The following TMEM132D variants were observed in gnomAD, a reference collection of about 807,000 sequenced individuals.
The protein encoded by TMEM132D is mature OL transmembrane protein.
A neutral mutation model predicts 62.3 loss-of-function variants in TMEM132D; 21 were observed. The observed-to-expected ratio is 0.34, with a 90% CI of 0.24 to 0.49. The LOEUF is 0.49. TMEM132D is among the 20% of genes least tolerant of loss of function. The probability of loss-of-function intolerance (pLI) is 0.99; values close to 1 mark genes in which losing one functional copy is unlikely to be tolerated. For missense variants in TMEM132D, 1,346 were observed against 1,402.8 expected, an observed-to-expected ratio of 0.96 and a Z score of 0.65; for synonymous variants, 621 against 575.6, an observed-to-expected ratio of 1.08 and a Z score of -1.13.
intron 1 of TMEM132D, among the ~76,000 whole-genome samples, chr12:129,836,245 G>A (rs1002444613): frequency 2.0e-5 from 3 of 152,118 alleles, no homozygotes; most frequent in Non-Finnish European, 1.5e-5. Context: ...CCTTTAAAAA[G>A]CTCTGTCTGC....
chr12:129,217,895 CA>C (rs778793877), intron 4 of TMEM132D, among the ~76,000 whole-genome samples: 72 of 152,136 alleles, frequency 4.7e-4, no homozygotes, highest in Non-Finnish European at 9.0e-4. Context: ...TATAAGAGGA[CA>C]TCCATTTTCC....
intron 2 of TMEM132D, among the ~76,000 whole-genome samples, chr12:129,537,250 ATG>A: frequency 6.6e-6 from 1 of 152,244 alleles, no homozygotes; most frequent in South Asian, 2.1e-4. Context: ...TATTGAAATA[ATG>A]TGTGCTACAA....
Position 129,720,153 on chromosome 12 carries a change from T to G in TMEM132D, c.80-19455A>C, listed in dbSNP as rs192927828. Among the ~76,000 whole-genome samples, 352 of 152,294 alleles carry G rather than the reference T, an allele frequency of 2.3e-3. 2 individuals carry two copies. Among genetic ancestry groups the G allele is most frequent in the Non-Finnish European group, 3.8e-3 (259 of 68,032 alleles). On this transcript the variant is annotated intron_variant, in intron 1 of 8. Transcript: ENST00000422113. ...TAAAACCTTGCACGCAGGAATGGTG[T>G]CTTTCCCTGGTGTCAGGCTAATTAC...
At chr12:129,613,857 C>G (rs1349389824) in intron 2 of TMEM132D, among the ~76,000 whole-genome samples, 1 of 151,586 alleles carries the variant, frequency 6.6e-6, no homozygotes. Flanking sequence ...GCTCCAGAAC[C>G]CAACCAGCTC....
intron 2 of TMEM132D, among the ~76,000 whole-genome samples, chr12:129,591,864 A>G (rs920521757): frequency 6.6e-6 from 1 of 152,200 alleles, no homozygotes; most frequent in African/African-American, 2.4e-5. Flanking sequence ...TACTTAATAA[A>G]TAAGCACAAG....
At chr12:129,097,264 C>T (rs2135632790) in intron 5 of TMEM132D, among the ~76,000 whole-genome samples, 1 of 152,344 alleles carries the variant, frequency 6.6e-6, no homozygotes, top group South Asian at 2.1e-4. Context: ...CTAAAGAACC[C>T]CTGGGCGGCA....
chr12:129,266,440 C>T (rs945413882), intron 4 of TMEM132D, among the ~76,000 whole-genome samples: 3 of 151,124 alleles, frequency 2.0e-5, no homozygotes, highest in African/African-American at 7.3e-5. Context: ...CCCCTCTCTT[C>T]CCTTTCTTTT....
At chr12:129,544,285 TTTATTGTTTATTAGGAAATTGATTTG>T (rs1876673103) in intron 2 of TMEM132D, among the ~76,000 whole-genome samples, 2 of 152,224 alleles carry the variant, frequency 1.3e-5, no homozygotes, top group African/African-American at 4.8e-5. Context: ...TAGTCTTGTT[TTTATTGTTTATTAGGAAATTGATTTG>T]TAAGGAAAAT....
chr12:129,473,519 T>G (rs575888289), intron 3 of TMEM132D, among the ~76,000 whole-genome samples: 1 of 151,538 alleles, frequency 6.6e-6, no homozygotes, highest in East Asian at 2.0e-4. Flanking sequence ...TTAGTAGAGA[T>G]GGGGTTTCGC....
chr12:129,770,923 G>A (rs537121840), intron 1 of TMEM132D, among the ~76,000 whole-genome samples: 9 of 152,324 alleles, frequency 5.9e-5, no homozygotes, highest in South Asian at 4.1e-4. Flanking sequence ...ATCGTAAGCC[G>A]AGGACTGTCT....
chr12:129,292,581 C>A (rs562869536), intron 4 of TMEM132D, among the ~76,000 whole-genome samples: 5 of 152,318 alleles, frequency 3.3e-5, no homozygotes, highest in African/African-American at 1.2e-4. Context: ...GATTTATAAA[C>A]CTAACCTCTG....
In TMEM132D at chr12:129,193,897, G is replaced by A. The variant is rs1437156529; in HGVS notation, c.1443+15623C>T. 2.0e-5 allele frequency among the ~76,000 whole-genome samples: 3 copies of A among 152,204 alleles called. No individual in the cohort carries two copies. In the East Asian group the frequency reaches 5.8e-4, roughly 29 times the overall value. ...TGATGAAGTCACATTTTACCTAAGA[G>A]TTAAAGTCTACAGAAAGGTAAAATT... On this transcript the variant is annotated intron_variant, in intron 5 of 8. Coordinates refer to ENST00000422113, the MANE Select transcript of TMEM132D (RefSeq NM_133448.3).
At position 129,101,186 on chromosome 12, in the gene TMEM132D, G is replaced by A. The variant is rs974731911; in HGVS notation, c.1444-16484C>T. Among the ~76,000 whole-genome samples, 3 of 152,274 alleles carry A rather than the reference G, an allele frequency of 2.0e-5. No individual in the cohort carries two copies. The East Asian group carries it at 5.8e-4, about 29-fold the overall frequency. ...CTAAGCTCTGTGGTGCCAGTCGGTG[G>A]CAGGATCTAAGCTCTGCAGTGCCCA... On this transcript the variant is annotated intron_variant, in intron 5 of 8. Coordinates refer to ENST00000422113, the MANE Select transcript of TMEM132D (RefSeq NM_133448.3).
chr12:129,302,835 T>G (rs543692792), intron 4 of TMEM132D, among the ~76,000 whole-genome samples: 168 of 152,162 alleles, frequency 1.1e-3, no homozygotes, highest in Middle Eastern at 0.01. Flanking sequence ...CCTCCACCCA[T>G]GTGAGACCAA....
At chr12:129,490,596 A>ATTTTTTTTTTTTTTTTTTTT (rs35535325) in intron 3 of TMEM132D, among the ~76,000 whole-genome samples, 3 of 71,112 alleles carry the variant, frequency 4.2e-5, no homozygotes, top group African/African-American at 1.6e-4. Flanking sequence ...CGCCCGGCTA[A>ATTTTTTTTTTTTTTTTTTTT]TTTTTTTTTT....
intron 4 of TMEM132D, among the ~76,000 whole-genome samples, chr12:129,287,031 G>C (rs568498580): frequency 1.3e-5 from 2 of 149,148 alleles, no homozygotes; most frequent in South Asian, 4.3e-4. Context: ...CTGGGCAACA[G>C]AGTGAGACTC....
At chr12:129,686,606 T>C (rs1465635580) in intron 2 of TMEM132D, among the ~76,000 whole-genome samples, 1 of 152,152 alleles carries the variant, frequency 6.6e-6, no homozygotes, top group African/African-American at 2.4e-5. Flanking sequence ...AAAATTCCTT[T>C]TATAAAAACA....
At chr12:129,112,343 A>G (rs559932820) in intron 5 of TMEM132D, among the ~76,000 whole-genome samples, 2 of 152,336 alleles carry the variant, frequency 1.3e-5, no homozygotes, top group South Asian at 4.1e-4. Context: ...TGCTAGTCAC[A>G]TGTGGCTCTA....
At chr12:129,087,076 C>G (rs968185532) in intron 5 of TMEM132D, among the ~76,000 whole-genome samples, 4 of 152,008 alleles carry the variant, frequency 2.6e-5, no homozygotes, top group Admixed American at 2.6e-4. Flanking sequence ...ACATTAGGGC[C>G]CCATCATGTA....
Sources: gnomAD v4.1 joint callset for allele counts (sites outside exome capture counted in the v4.1 genomes callset) on GRCh38, gnomAD v4.1.1 for gene constraint, MANE v1.5 for transcripts, NCBI Gene and HGNC (gene_info 2026-07-23, HGNC 2026-07-21) for gene names.